The following ADGRL3 variants were observed in gnomAD, a reference collection of about 807,000 sequenced individuals.
The protein encoded by ADGRL3 is calcium-independent alpha-latrotoxin receptor 3.
ADGRL3 carries 62 observed loss-of-function variants against 153.5 expected under a neutral mutation model. That is an observed-to-expected ratio of 0.40 (90% CI 0.33 to 0.50). The LOEUF (loss-of-function observed/expected upper bound fraction) is 0.50, where lower values mean the gene tolerates loss of function less well. Among genes scored for constraint, ADGRL3 ranks in the 20% least tolerant of loss-of-function variants. The probability of loss-of-function intolerance (pLI) is 0.47; values close to 1 mark genes in which losing one functional copy is unlikely to be tolerated. For missense variants in ADGRL3, 1,641 were observed against 1,859.4 expected, an observed-to-expected ratio of 0.88 and a Z score of 2.16; for synonymous variants, 710 against 672.5, an observed-to-expected ratio of 1.06 and a Z score of -0.86.
chr4:61,318,732 T>C (rs539783028), intron 1 of ADGRL3, among the ~76,000 whole-genome samples: 2 of 152,286 alleles, frequency 1.3e-5, no homozygotes, highest in African/African-American at 4.8e-5. Context: ...ACTACAACTC[T>C]GATTATAGTG....
At chr4:61,665,803 C>G (rs923998720) in intron 5 of ADGRL3, among the ~76,000 whole-genome samples, 3 of 152,130 alleles carry the variant, frequency 2.0e-5, no homozygotes, top group Non-Finnish European at 1.5e-5. Context: ...AGATGAGTCT[C>G]TCTAAAGTCA....
chr4:61,398,847 T>C (rs186885413), intron 2 of ADGRL3, among the ~76,000 whole-genome samples: 1 of 151,876 alleles, frequency 6.6e-6, no homozygotes. Context: ...TTAATTTTTA[T>C]CTTCCTCTTT....
chr4:61,607,402 G>T (rs2099036520), intron 5 of ADGRL3, among the ~76,000 whole-genome samples: 1 of 152,128 alleles, frequency 6.6e-6, no homozygotes, highest in Non-Finnish European at 1.5e-5. Flanking sequence ...TTCAAGACCA[G>T]CCTGACCAAT....
At chr4:61,799,002 T>TATATATAG (rs2097451682) in intron 8 of ADGRL3, among the ~76,000 whole-genome samples, 1 of 37,192 alleles carries the variant, frequency 2.7e-5, no homozygotes, top group Non-Finnish European at 4.5e-5. Flanking sequence ...ATAAACAGTA[T>TATATATAG]ATATATATAT....
At chr4:61,354,683 T>C (rs1430373120) in intron 1 of ADGRL3, among the ~76,000 whole-genome samples, 1 of 152,018 alleles carries the variant, frequency 6.6e-6, no homozygotes, top group Non-Finnish European at 1.5e-5. Context: ...ATCAGGAATG[T>C]GAATAATCTG....
intron 2 of ADGRL3, among the ~76,000 whole-genome samples, chr4:61,388,004 C>G (rs958611819): frequency 2.6e-5 from 4 of 152,116 alleles, no homozygotes; most frequent in African/African-American, 9.7e-5. Flanking sequence ...AATCCATGTT[C>G]TTCTGCCATG....
At chr4:61,643,171 G>A (rs373531389) in intron 5 of ADGRL3, among the ~76,000 whole-genome samples, 1 of 152,066 alleles carries the variant, frequency 6.6e-6, no homozygotes, top group African/African-American at 2.4e-5. Flanking sequence ...TTGCTTATCA[G>A]CTTAAGGAGA....
At chr4:61,560,820 G>T (rs542358403) in intron 4 of ADGRL3, among the ~76,000 whole-genome samples, 2 of 152,186 alleles carry the variant, frequency 1.3e-5, no homozygotes, top group East Asian at 3.9e-4. Flanking sequence ...CAGTGGGAAA[G>T]AGATAAACCT....
chr4:61,572,491 AGAAAG>A (rs1265105394), intron 4 of ADGRL3, among the ~76,000 whole-genome samples: 1 of 152,124 alleles, frequency 6.6e-6, no homozygotes, highest in African/African-American at 2.4e-5. Context: ...TCATAACATG[AGAAAG>A]GAAACACAAT....
intron 6 of ADGRL3, among the ~76,000 whole-genome samples, chr4:61,682,895 G>A (rs1402796387): frequency 6.6e-6 from 1 of 151,980 alleles, no homozygotes; most frequent in African/African-American, 2.4e-5. Context: ...AATATTAGGG[G>A]TCAAAAACCA....
chr4:61,855,609 T>C (rs2098254334), intron 9 of ADGRL3, among the ~76,000 whole-genome samples: 2 of 152,194 alleles, frequency 1.3e-5, no homozygotes, highest in Admixed American at 1.3e-4. Flanking sequence ...ATTTATGTTC[T>C]TTCTGATATC....
intron 1 of ADGRL3, among the ~76,000 whole-genome samples, chr4:61,227,136 CTT>C (rs74329640): frequency 0.16 from 24,256 of 152,030 alleles, 2,413 homozygotes; most frequent in East Asian, 0.48. Flanking sequence ...AGGAGTAACA[CTT>C]TGTTTTGTCT....
chr4:61,417,498 A>G (rs1054393972), intron 2 of ADGRL3, among the ~76,000 whole-genome samples: 4 of 151,894 alleles, frequency 2.6e-5, no homozygotes, highest in Non-Finnish European at 5.9e-5. Flanking sequence ...AAAAAACAAA[A>G]ACGAAAAAAA....
chr4:61,995,220 T>TA (rs1311344341), intron 19 of ADGRL3, among the ~76,000 whole-genome samples: 18 of 152,052 alleles, frequency 1.2e-4, no homozygotes, highest in Middle Eastern at 3.4e-3. Context: ...TTTTTTTTTT[T>TA]AATCCTATTG....
At chr4:61,579,686 A>G in intron 4 of ADGRL3, 1 of 450,268 alleles carries the variant, frequency 2.2e-6, no homozygotes, top group Non-Finnish European at 4.3e-6. Context: ...CTATAAGTTC[A>G]GAAATTGTAT....
chr4:61,995,654 G>A (rs960354387), intron 19 of ADGRL3, among the ~76,000 whole-genome samples: 3 of 152,100 alleles, frequency 2.0e-5, no homozygotes, highest in Admixed American at 6.5e-5. Context: ...TTAAAAATTG[G>A]GGGAGTATTA....
At chr4:61,907,501 C>G (rs990817387) in intron 11 of ADGRL3, among the ~76,000 whole-genome samples, 2 of 151,984 alleles carry the variant, frequency 1.3e-5, no homozygotes, top group Non-Finnish European at 2.9e-5. Flanking sequence ...TCGTGACCCA[C>G]CCGCCTCAGC....
intron 1 of ADGRL3, among the ~76,000 whole-genome samples, chr4:61,272,706 G>A (rs1027375372): frequency 6.6e-5 from 10 of 152,168 alleles, no homozygotes; most frequent in Non-Finnish European, 1.0e-4. Flanking sequence ...AGTAGCTTTT[G>A]AGTGACTTTA....
At chr4:61,471,690 C>T (rs1236537652) in intron 2 of ADGRL3, among the ~76,000 whole-genome samples, 1 of 151,884 alleles carries the variant, frequency 6.6e-6, no homozygotes, top group African/African-American at 2.4e-5. Flanking sequence ...CCTTTAGAGA[C>T]CATTTCTATT....
Sources: gnomAD v4.1 joint callset for allele counts (sites outside exome capture counted in the v4.1 genomes callset) on GRCh38, gnomAD v4.1.1 for gene constraint, MANE v1.5 for transcripts, NCBI Gene and HGNC (gene_info 2026-07-23, HGNC 2026-07-21) for gene names.